SIK3: variants seen among roughly 807,000 people sequenced by gnomAD.
SIK3 encodes serine/threonine-protein kinase SIK3.
In SIK3, 28 loss-of-function variants were observed where a neutral mutation model predicts 144.2. The ratio of observed to expected loss-of-function variants is 0.19; its 90% CI spans 0.14 to 0.27. SIK3 has a LOEUF of 0.27. SIK3 is among the 10% of genes least tolerant of loss of function. The probability of loss-of-function intolerance (pLI) is 1.00; values close to 1 mark genes in which losing one functional copy is unlikely to be tolerated. For synonymous variants in SIK3, 686 were observed against 676.3 expected (o/e 1.01, Z -0.22); for missense variants, 1,319 against 1,776.0 (o/e 0.74, Z 4.62).
Position 116,858,087 on chromosome 11 carries a change from G to T in SIK3, c.3378C>A (p.Thr1126=). 4 of 1,614,060 alleles carry T rather than the reference G, an allele frequency of 2.5e-6. No individual in the cohort carries two copies. Among genetic ancestry groups the T allele is most frequent in the Non-Finnish European group, 3.4e-6 (4 of 1,179,950 alleles). Residue 1126 remains threonine (T), a synonymous_variant, in exon 21 of 25, where the codon ACC becomes ACA. Transcript: ENST00000445177. The surrounding 1 kb of genome is among the most constrained non-coding windows in gnomAD (Gnocchi z 5.4). ...GCTGGTGAGCATACCCGTGGGGCGG[G>T]GTGGGTGAGGAAGCCTGTGAGACAC... is the stretch of plus-strand genomic sequence containing the variant. ...QECVSQASSP[T]PPHGYAHQPA...
chr11:117,060,662 C>G (rs1393494481), intron 1 of SIK3, among the ~76,000 whole-genome samples: 1 of 151,256 alleles, frequency 6.6e-6, no homozygotes, highest in Non-Finnish European at 1.5e-5. Flanking sequence ...ATAGGTACAG[C>G]ACAGGGAATT....
intron 1 of SIK3, among the ~76,000 whole-genome samples, chr11:116,961,661 C>T (rs1442326529): frequency 6.6e-6 from 1 of 152,200 alleles, no homozygotes; most frequent in Admixed American, 6.5e-5. Context: ...AAACTTCCAA[C>T]ATGTTACCAA....
chr11:117,047,077 A>T (rs1303395335), intron 1 of SIK3, among the ~76,000 whole-genome samples: 1 of 152,184 alleles, frequency 6.6e-6, no homozygotes, highest in East Asian at 1.9e-4. Flanking sequence ...ATTTAATATA[A>T]CTTTTATCAT....
chr11:116,890,111 A>C (rs554820625), intron 6 of SIK3, among the ~76,000 whole-genome samples: 22 of 152,352 alleles, frequency 1.4e-4, no homozygotes, highest in African/African-American at 5.0e-4. Context: ...CCCTGGGAAC[A>C]TAACAGTAAA....
chr11:117,060,555 C>T (rs1591632004), intron 1 of SIK3, among the ~76,000 whole-genome samples: 1 of 150,716 alleles, frequency 6.6e-6, no homozygotes, highest in East Asian at 2.0e-4. Context: ...CGAGAGCATG[C>T]CATTGCACTC....
chr11:116,844,131 C>G lies in SIK3; in HGVS notation c.*1512G>C, dbSNP rs1459885743. On this transcript the variant is annotated 3_prime_UTR_variant, in exon 25 of 25. Transcript: ENST00000445177. ...TGTTTTGAAGATCAGAAGGAGATAA[C>G]CCAGACCCTCTCTCAGCCCCAGCCA... is the stretch of plus-strand genomic sequence containing the variant. 2 of 152,110 alleles carry G rather than the reference C, an allele frequency of 1.3e-5. No homozygotes were observed. The highest frequency in any genetic ancestry group is 2.9e-5 in the Non-Finnish European group (2 of 68,016). 9.4% of individuals were successfully genotyped at this position (152,110 alleles called of 1,614,324 possible). A position where few individuals can be genotyped will look rare whatever the true frequency, so the allele number is the denominator to read the frequency against.
At chr11:117,074,768 C>CA (rs1050306513) in intron 1 of SIK3, among the ~76,000 whole-genome samples, 80 of 149,704 alleles carry the variant, frequency 5.3e-4, no homozygotes, top group African/African-American at 1.7e-3. Flanking sequence ...ACTAAAAATA[C>CA]AAAAAAAAAT....
intron 1 of SIK3, among the ~76,000 whole-genome samples, chr11:117,002,203 C>T (rs1378577621): frequency 6.6e-6 from 1 of 152,202 alleles, no homozygotes; most frequent in Non-Finnish European, 1.5e-5. Context: ...CTTGTCCAAC[C>T]CAGCCTGTGG....
intron 1 of SIK3, among the ~76,000 whole-genome samples, chr11:116,985,523 A>T (rs1950298194): frequency 6.6e-6 from 1 of 152,198 alleles, no homozygotes; most frequent in East Asian, 1.9e-4. Context: ...TCAAAATGCT[A>T]GTCAGTGTAG....
intron 1 of SIK3, among the ~76,000 whole-genome samples, chr11:116,979,879 G>A (rs973130166): frequency 3.3e-5 from 5 of 151,970 alleles, no homozygotes; most frequent in East Asian, 1.9e-4. Flanking sequence ...GAGAGAGAGA[G>A]CATAAGGCAT....
intron 1 of SIK3, among the ~76,000 whole-genome samples, chr11:117,073,606 A>G (rs894819980): frequency 6.6e-6 from 1 of 152,254 alleles, no homozygotes; most frequent in Non-Finnish European, 1.5e-5. Context: ...TGAAGTATAC[A>G]GAACATAGGA....
At chr11:116,853,932 T>G (rs1942666266) in intron 21 of SIK3, among the ~76,000 whole-genome samples, 1 of 152,206 alleles carries the variant, frequency 6.6e-6, no homozygotes, top group East Asian at 1.9e-4. Context: ...TTCTACAAAT[T>G]GGGAAGAAAC....
intron 9 of SIK3, 44 bp from the exon 10 acceptor site, chr11:116,875,495 G>A (rs1274823856): frequency 3.8e-6 from 6 of 1,576,502 alleles, no homozygotes; most frequent in Non-Finnish European, 5.2e-6. Flanking sequence ...TTTAACACTA[G>A]AGAGAAATAA....
chr11:116,966,550 G>A (rs1249119033), intron 1 of SIK3, among the ~76,000 whole-genome samples: 2 of 152,170 alleles, frequency 1.3e-5, no homozygotes, highest in Admixed American at 6.5e-5. Flanking sequence ...TTTGTATTAA[G>A]TGCTTATGCA....
chr11:117,009,718 AT>A (rs1199256879), intron 1 of SIK3, among the ~76,000 whole-genome samples: 1 of 152,338 alleles, frequency 6.6e-6, no homozygotes, highest in East Asian at 1.9e-4. Flanking sequence ...TCAAATCAAT[AT>A]AAAACCTTTA....
chr11:116,999,262 C>A (rs193302056), intron 1 of SIK3, among the ~76,000 whole-genome samples: 32 of 152,308 alleles, frequency 2.1e-4, no homozygotes, highest in Non-Finnish European at 3.7e-4. Flanking sequence ...AGGTCCATCT[C>A]TTCTTTATGC....
intron 4 of SIK3, among the ~76,000 whole-genome samples, chr11:116,919,057 G>A (rs1363789893): frequency 1.3e-5 from 2 of 152,094 alleles, no homozygotes; most frequent in Admixed American, 1.3e-4. Flanking sequence ...CAACCTGGGA[G>A]GTGCAATGAA....
chr11:116,986,082 A>G (rs1346286569), intron 1 of SIK3, among the ~76,000 whole-genome samples: 1 of 152,190 alleles, frequency 6.6e-6, no homozygotes, highest in Non-Finnish European at 1.5e-5. Context: ...CATAATTGTG[A>G]TATTTTAGAC....
intron 21 of SIK3, among the ~76,000 whole-genome samples, chr11:116,851,027 T>C (rs900639253): frequency 3.3e-5 from 5 of 152,134 alleles, no homozygotes; most frequent in East Asian, 3.9e-4. Flanking sequence ...ATAATAAAAA[T>C]AAATACTCTC....
Sources: allele counts gnomAD v4.1 joint callset (sites outside exome capture counted in the v4.1 genomes callset), GRCh38; gene constraint gnomAD v4.1.1; non-coding constraint Gnocchi (gnomAD v3.1); transcripts MANE v1.5; gene names NCBI Gene and HGNC (gene_info 2026-07-23, HGNC 2026-07-21).